TG: variants seen among roughly 807,000 people sequenced by gnomAD.
TG encodes thyroid hormones.
A neutral mutation model predicts 324.7 loss-of-function variants in TG; 270 were observed. That is an observed-to-expected ratio of 0.83 (90% CI 0.75 to 0.92). The LOEUF (loss-of-function observed/expected upper bound fraction) is 0.92, where lower values mean the gene tolerates loss of function less well. Ranked by LOEUF, TG falls within the 40% of genes least tolerant of loss-of-function variation. TG has a pLI of 0.00. For missense variants in TG, 3,591 were observed against 3,456.4 expected, an observed-to-expected ratio of 1.04 and a Z score of -0.98; for synonymous variants, 1,401 against 1,327.0, an observed-to-expected ratio of 1.06 and a Z score of -1.21.
intron 22 of TG, among the ~76,000 whole-genome samples, chr8:132,924,093 G>A (rs190758202): frequency 3.9e-4 from 60 of 152,042 alleles, no homozygotes; most frequent in African/African-American, 1.4e-3. Context: ...ATCAGTGGGA[G>A]CCCTGAGCTT....
At chr8:133,018,515 G>T (rs1315843112) in intron 38 of TG, among the ~76,000 whole-genome samples, 1 of 138,762 alleles carries the variant, frequency 7.2e-6, no homozygotes, top group African/African-American at 2.9e-5. Context: ...TTCCCACTAG[G>T]AAAAAAATTA....
chr8:132,935,911 G>T lies in TG; in HGVS notation c.5041+47G>T, dbSNP rs199829293. The T allele has an allele frequency of 7.7e-5, 112 of 1,454,880 alleles. No individual in the cohort carries two copies. In the African/African-American group the frequency reaches 1.2e-3, roughly 16 times the overall value. 90.1% of individuals were successfully genotyped at this position (1,454,880 alleles called of 1,614,324 possible). On this transcript the variant is annotated intron_variant, in intron 25 of 47. Coordinates refer to ENST00000220616, the MANE Select transcript of TG (RefSeq NM_003235.5). ...GCTTAGGCCCGCGGTGGCTTCACAC[G>T]GTCATGTTTGGAGCTGGTTTCCAGC...
rs780031538 is a variant in TG at position 132,882,882 on chromosome 8, CG to C, written c.959del (p.Arg320ProfsTer82). The C allele has an allele frequency of 6.2e-7, 1 of 1,614,190 alleles. No homozygotes were observed. The highest frequency in any genetic ancestry group is 1.1e-5 in the South Asian group (1 of 91,088). ...SFGHPYVPSC[R>X]RNGDYQAVQC... ...TGGTCACCCCTATGTTCCAAGCTGC[CG>C]CCGAAATGGCGACTATCAGGCGGTG... On this transcript the variant is annotated frameshift_variant, in exon 8 of 48. Transcript: ENST00000220616. LOFTEE classifies it high-confidence loss of function.
intron 41 of TG, chr8:133,060,282 G>T (rs1842184299): frequency 2.5e-6 from 4 of 1,592,622 alleles, no homozygotes; most frequent in Admixed American, 1.8e-5. Context: ...AGAGAGCATC[G>T]TGCATCATTT....
chr8:132,885,575 A>G (rs1299921697), intron 8 of TG, among the ~76,000 whole-genome samples: 2 of 152,214 alleles, frequency 1.3e-5, no homozygotes, highest in Non-Finnish European at 2.9e-5. Flanking sequence ...GGAATTAGCC[A>G]CACTAAAATC....
rs758655882 is a variant in TG at position 133,134,775 on chromosome 8, C to T, written c.8288C>T (p.Ser2763Phe). 3.1e-6 allele frequency: 5 copies of T among 1,614,138 alleles called. No homozygotes were observed. The highest frequency in any genetic ancestry group is 4.2e-6 in the Non-Finnish European group (5 of 1,180,008). The part of the protein sequence containing the change: ...EDLLSLQEPG[S>F]KTYSK ...CTCCTAAGCCTCCAGGAACCAGGCT[C>T]TAAGACCTACAGCAAGTGACCAGCC... Residue 2763 changes from serine (S) to phenylalanine (F), a missense_variant, in exon 48 of 48, where the codon TCT (serine) becomes TTT (phenylalanine). By Grantham distance (155) the Ser-to-Phe change is radical (BLOSUM62 -2). Transcript: ENST00000220616.
chr8:132,909,603 AAGG>A (rs955989095), intron 18 of TG, among the ~76,000 whole-genome samples: 2 of 152,112 alleles, frequency 1.3e-5, no homozygotes, highest in African/African-American at 4.8e-5. Context: ...TATTCTTCAG[AAGG>A]AGGAGATGAT....
intron 43 of TG, among the ~76,000 whole-genome samples, chr8:133,106,130 G>A (rs1274309251): frequency 6.6e-6 from 1 of 152,132 alleles, no homozygotes; most frequent in Non-Finnish European, 1.5e-5. Context: ...AAGAGCCAGT[G>A]GGGGGGTTTG....
At chr8:133,016,103 T>C (rs1295639132) in intron 37 of TG, among the ~76,000 whole-genome samples, 1 of 152,212 alleles carries the variant, frequency 6.6e-6, no homozygotes, top group Non-Finnish European at 1.5e-5. Context: ...ATTGTTCCCA[T>C]TTCATAGGCA....
At chr8:132,990,981 G>A (rs1280830917) in intron 35 of TG, among the ~76,000 whole-genome samples, 3 of 150,590 alleles carry the variant, frequency 2.0e-5, no homozygotes, top group African/African-American at 7.4e-5. Context: ...GGCAAGGGAA[G>A]GCCCAGGACT....
At chr8:133,057,510 C>T (rs1841662010) in intron 41 of TG, among the ~76,000 whole-genome samples, 1 of 152,166 alleles carries the variant, frequency 6.6e-6, no homozygotes, top group Non-Finnish European at 1.5e-5. Flanking sequence ...AGTTTCCACA[C>T]CCTTCTTTGC....
In TG at chr8:132,983,343, T is replaced by G. The variant is rs79724982; in HGVS notation, c.6200-7T>G. 2 of 1,614,124 alleles carry G rather than the reference T, an allele frequency of 1.2e-6. No homozygotes were observed. The highest frequency in any genetic ancestry group is 1.7e-6 in the Non-Finnish European group (2 of 1,179,958). ...AAAGAACTGAAAGACTGCTTTTTCCTTTTCAGTTGCTCAAAATAATGCTCC... is the reference window on the plus strand; with the variant it reads ...AAAGAACTGAAAGACTGCTTTTTCCGTTTCAGTTGCTCAAAATAATGCTCC... On this transcript the variant is annotated splice_polypyrimidine_tract_variant and splice_region_variant and intron_variant, in intron 34 of 47. Transcript: ENST00000220616.
Position 132,901,426 on chromosome 8 carries a change from C to T in TG, c.3507C>T (p.Cys1169=), listed in dbSNP as rs1817912809. The part of the protein sequence containing the change: ...RRVSPGYVPA[C]RAEDGGFSPV... The stretch of plus-strand genomic sequence containing the variant: ...TCAGCCCAGGCTATGTCCCAGCCTG[C>T]AGGGCAGAGGATGGGGGCTTTTCCC... The change falls in exon 16 of 48, where the codon TGC becomes TGT. Residue 1169 remains cysteine, a synonymous_variant. Coordinates refer to ENST00000220616, the MANE Select transcript of TG (RefSeq NM_003235.5). 2 of 1,614,114 alleles carry T rather than the reference C, an allele frequency of 1.2e-6. No homozygotes were observed. Among genetic ancestry groups the T allele is most frequent in the South Asian group, 1.1e-5 (1 of 91,090 alleles).
At chr8:133,119,879 A>G (rs1315269352) in intron 45 of TG, among the ~76,000 whole-genome samples, 2 of 152,232 alleles carry the variant, frequency 1.3e-5, no homozygotes, top group Non-Finnish European at 2.9e-5. Context: ...CCTGAACTAC[A>G]GATTCAAGCA....
chr8:133,013,151 G>A (rs576382848), intron 36 of TG, among the ~76,000 whole-genome samples: 149 of 152,358 alleles, frequency 9.8e-4, no homozygotes, highest in Middle Eastern at 3.4e-3. Flanking sequence ...CCTTAATGCT[G>A]CATGGAAAGT....
chr8:132,941,421 G>A lies in TG; in HGVS notation c.5112G>A (p.Leu1704=). 1.2e-6 allele frequency: 2 copies of A among 1,614,212 alleles called. No individual in the cohort carries two copies. The highest frequency in any genetic ancestry group is 2.2e-5 in the East Asian group (1 of 44,896). Residue 1704 remains leucine (L), a synonymous_variant, in exon 26 of 48, where the codon TTG becomes TTA. Transcript: ENST00000220616. ...PTGFQNMLSG[L]YNPIVFSASG... ...GTTTCCAAAACATGCTTTCTGGATT[G>A]TACAACCCCATTGTGTTCTCAGCCT...
At chr8:132,949,068 AAC>A in intron 27 of TG, 125 bp downstream of exon 27, 1 of 808,230 alleles carries the variant, frequency 1.2e-6, no homozygotes, top group Non-Finnish European at 2.0e-6. Flanking sequence ...AAAAAAAAAA[AAC>A]TTTACCAATC....
intron 34 of TG, among the ~76,000 whole-genome samples, chr8:132,974,153 C>G (rs1355979855): frequency 6.6e-6 from 1 of 151,992 alleles, no homozygotes; most frequent in Non-Finnish European, 1.5e-5. Flanking sequence ...ACCACCATGC[C>G]CAGCTAATTT....
At chr8:132,941,579 A>T in intron 26 of TG, 37 bp downstream of exon 26, 1 of 1,613,248 alleles carries the variant, frequency 6.2e-7, no homozygotes, top group Admixed American at 1.7e-5. Context: ...CTAACAAGGG[A>T]TGGGGAGCAC....
Sources: gnomAD v4.1 joint callset for allele counts (sites outside exome capture counted in the v4.1 genomes callset) on GRCh38, gnomAD v4.1.1 for gene constraint, MANE v1.5 for transcripts, NCBI Gene and HGNC (gene_info 2026-07-23, HGNC 2026-07-21) for gene names.